TBC1D5: variants seen among roughly 807,000 people sequenced by gnomAD.
TBC1D5 encodes the protein TBC1 domain family, member 5.
TBC1D5 carries 75 observed loss-of-function variants against 100.3 expected under a neutral mutation model. That is an observed-to-expected ratio of 0.75 (90% CI 0.62 to 0.91). The LOEUF (loss-of-function observed/expected upper bound fraction) is 0.91. Among genes scored for constraint, TBC1D5 ranks in the 40% least tolerant of loss-of-function variants. TBC1D5 has a pLI of 0.00. For missense variants in TBC1D5, 910 were observed against 942.4 expected, an observed-to-expected ratio of 0.97 and a Z score of 0.45; for synonymous variants, 323 against 325.6, an observed-to-expected ratio of 0.99 and a Z score of 0.09.
chr3:17,531,372 G>A lies in TBC1D5; in HGVS notation c.-35-22767C>T, dbSNP rs1193518371. On this transcript the variant is annotated intron_variant, in intron 2 of 21. Coordinates refer to ENST00000253692, the Ensembl canonical transcript of TBC1D5. ...ATGGAAGAACATTCCATGCTCATGGGTAGGAAGAATCAATATCATGAAAAT... is the reference window on the plus strand; with the variant it reads ...ATGGAAGAACATTCCATGCTCATGGATAGGAAGAATCAATATCATGAAAAT... Among the ~76,000 whole-genome samples, 9 of 152,260 alleles carry A rather than the reference G, an allele frequency of 5.9e-5. No individual in the cohort carries two copies. In the South Asian group the frequency reaches 1.9e-3, roughly 32 times the overall value.
chr3:17,461,109 C>A (rs773000874), intron 3 of TBC1D5, among the ~76,000 whole-genome samples: 46 of 152,106 alleles, frequency 3.0e-4, no homozygotes, highest in Admixed American at 2.6e-4. Context: ...AAAATAACAT[C>A]CTACTGTAAG....
chr3:17,494,598 C>T (rs2095681056), intron 3 of TBC1D5, among the ~76,000 whole-genome samples: 1 of 152,136 alleles, frequency 6.6e-6, no homozygotes, highest in Admixed American at 6.5e-5. Context: ...GTCTGTAAGC[C>T]CCTGGCTGGA....
At chr3:17,491,219 T>G (rs2095635933) in intron 3 of TBC1D5, among the ~76,000 whole-genome samples, 1 of 152,178 alleles carries the variant, frequency 6.6e-6, no homozygotes, top group Non-Finnish European at 1.5e-5. Context: ...GCTGAGATGA[T>G]GGGGTTTTCT....
chr3:17,621,701 C>T (rs562234204), intron 2 of TBC1D5, among the ~76,000 whole-genome samples: 4 of 137,342 alleles, frequency 2.9e-5, no homozygotes, highest in African/African-American at 1.1e-4. Flanking sequence ...ATAGTATTCT[C>T]GCTAACTTTT....
intron 2 of TBC1D5, among the ~76,000 whole-genome samples, chr3:17,592,039 G>A (rs747490010): frequency 3.3e-5 from 5 of 152,198 alleles, no homozygotes; most frequent in African/African-American, 4.8e-5. Flanking sequence ...CATTGCTTGA[G>A]CAAATTAACA....
intron 1 of TBC1D5, among the ~76,000 whole-genome samples, chr3:17,651,693 G>A (rs556856388): frequency 1.9e-4 from 28 of 150,906 alleles, no homozygotes; most frequent in African/African-American, 6.1e-4. Context: ...ACAGAGACTC[G>A]TCTCAAAAAA....
intron 16 of TBC1D5, among the ~76,000 whole-genome samples, chr3:17,253,633 T>C (rs540220168): frequency 2.0e-5 from 3 of 152,332 alleles, no homozygotes; most frequent in African/African-American, 7.2e-5. Flanking sequence ...CATGTCTCTT[T>C]AGAGTCAATT....
intron 2 of TBC1D5, among the ~76,000 whole-genome samples, chr3:17,509,610 G>A (rs568011147): frequency 3.9e-5 from 6 of 152,092 alleles, no homozygotes; most frequent in African/African-American, 1.2e-4. Context: ...TGTTAATAGA[G>A]TTAATTGTTA....
intron 2 of TBC1D5, among the ~76,000 whole-genome samples, chr3:17,598,464 T>G (rs2060717450): frequency 6.6e-6 from 1 of 152,244 alleles, no homozygotes; most frequent in African/African-American, 2.4e-5. Context: ...AGACTTCTTA[T>G]TCTGCATCTC....
chr3:17,259,999 G>A (rs1212081887), intron 15 of TBC1D5, among the ~76,000 whole-genome samples: 2 of 152,080 alleles, frequency 1.3e-5, no homozygotes, highest in Non-Finnish European at 2.9e-5. Flanking sequence ...ATGCTTCCAT[G>A]ACGACCATAC....
intron 3 of TBC1D5, among the ~76,000 whole-genome samples, chr3:17,436,016 T>C (rs1452881885): frequency 6.6e-6 from 1 of 152,194 alleles, no homozygotes; most frequent in Non-Finnish European, 1.5e-5. Flanking sequence ...GGGGTCTATA[T>C]AAATACAAAG....
chr3:17,471,008 C>T (rs964402717), intron 3 of TBC1D5, among the ~76,000 whole-genome samples: 3 of 152,128 alleles, frequency 2.0e-5, no homozygotes, highest in Non-Finnish European at 4.4e-5. Context: ...ATGTGAATGA[C>T]GATACCATAT....
chr3:17,641,345 T>C (rs1292428361), intron 1 of TBC1D5, among the ~76,000 whole-genome samples: 1 of 151,850 alleles, frequency 6.6e-6, no homozygotes, highest in Admixed American at 6.6e-5. Context: ...ATGGAGGGAG[T>C]GTGCATAGTG....
At chr3:17,366,840 T>A (rs80185953) in intron 13 of TBC1D5, among the ~76,000 whole-genome samples, 13,689 of 152,152 alleles carry the variant, frequency 0.09, 1,416 homozygotes, top group African/African-American at 0.26. Flanking sequence ...ATTATATCAA[T>A]AATTTGGCAG....
At chr3:17,482,188 A>G (rs1279309470) in intron 3 of TBC1D5, among the ~76,000 whole-genome samples, 1 of 152,256 alleles carries the variant, frequency 6.6e-6, no homozygotes, top group Non-Finnish European at 1.5e-5. Context: ...TTGATATCTG[A>G]TAACATATAC....
chr3:17,381,877 T>C (rs900527013), intron 9 of TBC1D5, among the ~76,000 whole-genome samples: 1 of 152,126 alleles, frequency 6.6e-6, no homozygotes, highest in East Asian at 1.9e-4. Flanking sequence ...TGTAATTTAA[T>C]GGTTTTTCCA....
intron 3 of TBC1D5, among the ~76,000 whole-genome samples, chr3:17,488,362 G>C (rs1486520963): frequency 2.0e-5 from 3 of 152,126 alleles, no homozygotes; most frequent in African/African-American, 4.8e-5. Flanking sequence ...ACCAGAGTTT[G>C]TTAATCCATT....
At chr3:17,161,342 G>T in intron 21 of TBC1D5, 86 bp from the exon 23 acceptor site, 1 of 1,450,422 alleles carries the variant, frequency 6.9e-7, no homozygotes, top group Non-Finnish European at 9.2e-7. Flanking sequence ...TGGGGGACTC[G>T]TGGTGGAAAG....
chr3:17,399,018 T>C (rs2093580745), intron 8 of TBC1D5, among the ~76,000 whole-genome samples: 1 of 152,078 alleles, frequency 6.6e-6, no homozygotes, highest in South Asian at 2.1e-4. Flanking sequence ...CCTTGAATGG[T>C]TAGCTGTTAG....
Sources: gnomAD v4.1 joint callset for allele counts (sites outside exome capture counted in the v4.1 genomes callset) on GRCh38, gnomAD v4.1.1 for gene constraint, MANE v1.5 for transcripts, NCBI Gene and HGNC (gene_info 2026-07-23, HGNC 2026-07-21) for gene names.